The following EVA1A variants were observed in gnomAD, a reference collection of about 807,000 sequenced individuals.
EVA1A encodes eva-1 homolog A, regulator of programmed cell death.
In EVA1A, 7 loss-of-function variants were observed where a neutral mutation model predicts 9.8. The ratio of observed to expected loss-of-function variants is 0.71; its 90% CI spans 0.41 to 1.34. The LOEUF is 1.34. Among genes scored for constraint, EVA1A ranks in the 40% most tolerant of loss-of-function variants. The pLI is 0.01. For missense variants in EVA1A, 206 were observed against 205.9 expected (o/e 1.00, Z 0.00); for synonymous variants, 90 against 85.6 (o/e 1.05, Z -0.28).
At chr2:75,550,021 C>G (rs989362942) in intron 1 of EVA1A, among the ~76,000 whole-genome samples, 1 of 152,164 alleles carries the variant, frequency 6.6e-6, no homozygotes, top group Non-Finnish European at 1.5e-5. Flanking sequence ...GTATCTGCCT[C>G]TGGTCTGAAC....
At chr2:75,542,533 T>C (rs755713281) in intron 1 of EVA1A, 1 of 152,308 alleles carries the variant, frequency 6.6e-6, no homozygotes, top group Non-Finnish European at 1.5e-5. Flanking sequence ...GTTTGGCATG[T>C]GTTTTCCTGC....
At chr2:75,539,556 A>G (rs1234385675) in intron 1 of EVA1A, among the ~76,000 whole-genome samples, 1 of 152,192 alleles carries the variant, frequency 6.6e-6, no homozygotes, top group African/African-American at 2.4e-5. Flanking sequence ...AGCAGAAGGA[A>G]TTTAACGCAG....
intron 3 of EVA1A, among the ~76,000 whole-genome samples, chr2:75,514,132 G>A (rs73938925): frequency 0.016 from 2,400 of 152,262 alleles, 57 homozygotes; most frequent in African/African-American, 0.055. Context: ...TAAGGCAGGC[G>A]AAAACATGAT....
intron 1 of EVA1A, among the ~76,000 whole-genome samples, chr2:75,551,457 T>A (rs1178344198): frequency 6.6e-6 from 1 of 152,194 alleles, no homozygotes; most frequent in Non-Finnish European, 1.5e-5. Context: ...CTGGAAACTC[T>A]CCTCTTCCGC....
At chr2:75,552,684 C>A (rs745354454) in intron 1 of EVA1A, among the ~76,000 whole-genome samples, 14 of 152,110 alleles carry the variant, frequency 9.2e-5, no homozygotes, top group Non-Finnish European at 1.5e-4. Flanking sequence ...TTGTATGTAA[C>A]CCTGTCTACC....
At chr2:75,527,242 G>A (rs1675479001) in intron 1 of EVA1A, among the ~76,000 whole-genome samples, 1 of 152,190 alleles carries the variant, frequency 6.6e-6, no homozygotes, top group African/African-American at 2.4e-5. Flanking sequence ...ACCCTTAAGA[G>A]ACCATAGCAA....
At chr2:75,506,020 T>C (rs986569486) in intron 3 of EVA1A, among the ~76,000 whole-genome samples, 2 of 152,228 alleles carry the variant, frequency 1.3e-5, no homozygotes, top group South Asian at 2.1e-4. Flanking sequence ...CTGCATATAC[T>C]GTACATGTAC....
At chr2:75,547,579 T>C (rs1361000906) in intron 1 of EVA1A, among the ~76,000 whole-genome samples, 1 of 152,170 alleles carries the variant, frequency 6.6e-6, no homozygotes, top group African/African-American at 2.4e-5. Context: ...TTTTTTTCCT[T>C]CTCTGGAAGA....
intron 3 of EVA1A, among the ~76,000 whole-genome samples, chr2:75,494,058 C>T (rs1352066844): frequency 6.6e-6 from 1 of 152,118 alleles, no homozygotes; most frequent in African/African-American, 2.4e-5. Context: ...TGAGATGAAC[C>T]CCATCTCCTA....
At chr2:75,517,953 A>G in intron 3 of EVA1A, 103 bp downstream of exon 3, 1 of 1,309,292 alleles carries the variant, frequency 7.6e-7, no homozygotes. Flanking sequence ...TTGATTACGT[A>G]GTGTGTCTTT....
chr2:75,550,800 G>A (rs1035340767), intron 1 of EVA1A, among the ~76,000 whole-genome samples: 1 of 152,224 alleles, frequency 6.6e-6, no homozygotes, highest in South Asian at 2.1e-4. Flanking sequence ...CTCTCCCAGC[G>A]TGCATAGTCC....
chr2:75,535,258 T>C (rs1290423149), intron 1 of EVA1A, among the ~76,000 whole-genome samples: 2 of 117,088 alleles, frequency 1.7e-5, no homozygotes, highest in Non-Finnish European at 3.3e-5. Context: ...ATGGCCATTA[T>C]TAAAAAGTCA....
intron 3 of EVA1A, among the ~76,000 whole-genome samples, chr2:75,514,287 G>T (rs1466499602): frequency 6.6e-6 from 1 of 152,176 alleles, no homozygotes; most frequent in Admixed American, 6.5e-5. Flanking sequence ...TCTGGATTAG[G>T]TGATGCCCTA....
chr2:75,567,902 C>T (rs2104011314), intron 1 of EVA1A, among the ~76,000 whole-genome samples: 1 of 152,254 alleles, frequency 6.6e-6, no homozygotes, highest in East Asian at 1.9e-4. Context: ...AGAAGAAGAG[C>T]TAATAAATGA....
At chr2:75,515,980 T>C (rs932034202) in intron 3 of EVA1A, among the ~76,000 whole-genome samples, 4 of 152,176 alleles carry the variant, frequency 2.6e-5, no homozygotes, top group African/African-American at 9.6e-5. Flanking sequence ...AATAAGGCAG[T>C]TATGTGTATT....
At chr2:75,566,095 TGGCA>T (rs2104008324) in intron 1 of EVA1A, among the ~76,000 whole-genome samples, 1 of 152,314 alleles carries the variant, frequency 6.6e-6, no homozygotes, top group South Asian at 2.1e-4. Context: ...ATTAACCAAG[TGGCA>T]TTTACATTCA....
At chr2:75,565,018 A>C (rs1358540637), upstream of EVA1A, among the ~76,000 whole-genome samples, 1 of 152,242 alleles carries the variant, frequency 6.6e-6, no homozygotes, top group Non-Finnish European at 1.5e-5. Flanking sequence ...TGCCAAAGGC[A>C]CCACAAGATG....
At chr2:75,507,315 C>T (rs1674650795) in intron 3 of EVA1A, among the ~76,000 whole-genome samples, 1 of 152,190 alleles carries the variant, frequency 6.6e-6, no homozygotes, top group Admixed American at 6.5e-5. Flanking sequence ...CTTCTTCAAA[C>T]CTGATGCAAG....
intron 1 of EVA1A, among the ~76,000 whole-genome samples, chr2:75,538,252 ACCACTGCACTCCAG>A (rs1675988762): frequency 6.6e-6 from 1 of 152,148 alleles, no homozygotes; most frequent in Non-Finnish European, 1.5e-5. Context: ...CTGAGATTGC[ACCACTGCACTCCAG>A]CCTGGGTGAC....
Sources: allele counts gnomAD v4.1 joint callset (sites outside exome capture counted in the v4.1 genomes callset), GRCh38; gene constraint gnomAD v4.1.1; transcripts MANE v1.5; gene names NCBI Gene and HGNC (gene_info 2026-07-23, HGNC 2026-07-21).